Variants in RASGRP1 observed in about 807,000 individuals in gnomAD.
The protein encoded by RASGRP1 is RAS guanyl-releasing protein 1.
In RASGRP1, 37 loss-of-function variants were observed where a neutral mutation model predicts 95.1. The ratio of observed to expected loss-of-function variants is 0.39; its 90% confidence interval spans 0.30 to 0.51. The LOEUF is 0.51. Ranked by LOEUF, RASGRP1 falls within the 20% of genes least tolerant of loss-of-function variation. The pLI is 0.80. For synonymous variants in RASGRP1, 325 were observed against 353.4 expected (o/e 0.92, Z 0.90); for missense variants, 711 against 965.4 (o/e 0.74, Z 3.49).
intron 10 of RASGRP1, chr15:38,503,617 G>A: frequency 3.9e-6 from 2 of 514,782 alleles, no homozygotes; most frequent in Admixed American, 7.3e-5. Flanking sequence ...CAGATAATTT[G>A]AAATTCTCAA....
chr15:38,499,349 C>T (rs952793711), intron 14 of RASGRP1, among the ~76,000 whole-genome samples: 1 of 152,158 alleles, frequency 6.6e-6, no homozygotes, highest in Middle Eastern at 3.2e-3. Context: ...CAGTTATGTC[C>T]TGAGTGATAA....
chr15:38,500,102 C>G lies in RASGRP1; in HGVS notation c.1720+1G>C. ...AATATGTCAACAATATTGAGTCTTA[C>G]CTTTACATCGATATCCTTGTTTGAT... On this transcript the variant is annotated splice_donor_variant, in intron 14 of 16. Coordinates refer to ENST00000310803, the MANE Select transcript of RASGRP1 (RefSeq NM_005739.4). LOFTEE classifies it high-confidence loss of function. The G allele has an allele frequency of 2.5e-6, 4 of 1,612,906 alleles. No individual in the cohort carries two copies. Among genetic ancestry groups the G allele is most frequent in the Non-Finnish European group, 3.4e-6 (4 of 1,179,606 alleles).
Position 38,541,053 on chromosome 15 carries a change from T to A in RASGRP1, c.221-14649A>T, listed in dbSNP as rs537921422. Among the ~76,000 whole-genome samples, 7 of 152,300 alleles carry A rather than the reference T, an allele frequency of 4.6e-5. No individual in the cohort carries two copies. In the South Asian group the frequency reaches 1.5e-3, roughly 32 times the overall value. The stretch of plus-strand genomic sequence containing the variant: ...GAGCAGAGCAGACCATGAGACCATG[T>A]TGAGGGCTGGGCAACCAACCCCACA... On this transcript the variant is annotated intron_variant, in intron 2 of 16. Transcript: ENST00000310803.
At chr15:38,521,841 TTAAC>T (rs574136898) in intron 3 of RASGRP1, among the ~76,000 whole-genome samples, 144 of 152,308 alleles carry the variant, frequency 9.5e-4, no homozygotes, top group African/African-American at 3.4e-3. Flanking sequence ...CTGAGCTTAT[TTAAC>T]TAAAAATTCT....
At chr15:38,499,592 A>C (rs552352723) in intron 14 of RASGRP1, among the ~76,000 whole-genome samples, 22 of 152,338 alleles carry the variant, frequency 1.4e-4, no homozygotes, top group Admixed American at 6.5e-4. Context: ...GGGGTGTCCG[A>C]GGGAAACCAC....
chr15:38,530,262 G>A (rs1377348377), intron 2 of RASGRP1, among the ~76,000 whole-genome samples: 1 of 152,166 alleles, frequency 6.6e-6, no homozygotes, highest in Non-Finnish European at 1.5e-5. Context: ...ACACTGAAGA[G>A]TAACTGGAAA....
chr15:38,509,598 C>T (rs983811279), intron 8 of RASGRP1, among the ~76,000 whole-genome samples: 43 of 152,190 alleles, frequency 2.8e-4, no homozygotes, highest in African/African-American at 9.9e-4. Context: ...TGGTGGCACA[C>T]GCCTGTAGTC....
At chr15:38,503,747 A>T in intron 10 of RASGRP1, 1 of 213,928 alleles carries the variant, frequency 4.7e-6, no homozygotes, top group South Asian at 8.3e-5. Flanking sequence ...TAGAAATGTG[A>T]ATAAGGAAAA....
Position 38,564,655 on chromosome 15 carries a change from G to A in RASGRP1, c.-27C>T. 1 of 1,292,996 alleles carries A rather than the reference G, an allele frequency of 7.7e-7. No homozygotes were observed. Among genetic ancestry groups the A allele is most frequent in the Middle Eastern group, 2.5e-4 (1 of 3,978 alleles). 80.1% of individuals were successfully genotyped at this position (1,292,996 alleles called of 1,614,324 possible). A position where few individuals can be genotyped will look rare whatever the true frequency, so the allele number is the denominator to read the frequency against. On this transcript the variant is annotated 5_prime_UTR_variant, in exon 1 of 17. Coordinates refer to ENST00000310803, the MANE Select transcript of RASGRP1 (RefSeq NM_005739.4). ...GCCGCGGCCCGCGCTCCCGGTGCCG[G>A]CTCACCTAGCGCGGCCGGGCGCGGC... is the stretch of plus-strand genomic sequence containing the variant.
rs1219259071 is a variant in RASGRP1 at position 38,564,703 on chromosome 15, C to T, written c.-75G>A. The stretch of plus-strand genomic sequence containing the variant: ...GGCGCATCGCCCCCGCCACCACCGC[C>T]GCCGCCTGCCGGCTCTCTCCCCCCC... On this transcript the variant is annotated 5_prime_UTR_variant, in exon 1 of 17. Coordinates refer to ENST00000310803, the MANE Select transcript of RASGRP1 (RefSeq NM_005739.4). 8.7e-7 allele frequency: 1 copy of T among 1,152,972 alleles called. No homozygotes were observed. The highest frequency in any genetic ancestry group is 4.2e-5 in the South Asian group (1 of 23,564). 71.4% of individuals were successfully genotyped at this position (1,152,972 alleles called of 1,614,324 possible). A position where few individuals can be genotyped will look rare whatever the true frequency, so the allele number is the denominator to read the frequency against.
intron 2 of RASGRP1, among the ~76,000 whole-genome samples, chr15:38,551,465 T>C (rs1893334591): frequency 6.6e-6 from 1 of 152,214 alleles, no homozygotes; most frequent in Admixed American, 6.5e-5. Flanking sequence ...GCTTCTTTTT[T>C]GCCAGCAATA....
intron 2 of RASGRP1, among the ~76,000 whole-genome samples, chr15:38,530,213 T>C (rs746918562): frequency 1.6e-4 from 24 of 152,126 alleles, no homozygotes; most frequent in Non-Finnish European, 2.9e-4. Flanking sequence ...CTTGGGCCAG[T>C]AGGCTAGTGG....
chr15:38,501,416 C>A, intron 12 of RASGRP1, 129 bp from the exon 13 acceptor site: 1 of 1,074,242 alleles, frequency 9.3e-7, no homozygotes. Context: ...TGTGCTACCT[C>A]ATGATTACTT....
intron 2 of RASGRP1, among the ~76,000 whole-genome samples, chr15:38,546,966 GTTATTCACA>G (rs1224829393): frequency 3.5e-4 from 53 of 152,302 alleles, no homozygotes; most frequent in Non-Finnish European, 1.5e-5. Flanking sequence ...TTTGTGCTAT[GTTATTCACA>G]TCCTGAATTC....
intron 2 of RASGRP1, 25 bp from the exon 3 acceptor site, chr15:38,526,429 G>A: frequency 6.3e-7 from 1 of 1,590,864 alleles, no homozygotes; most frequent in South Asian, 1.1e-5. Flanking sequence ...AGCAGCACCT[G>A]AGTTAGGCCC....
intron 15 of RASGRP1, among the ~76,000 whole-genome samples, chr15:38,495,761 C>T (rs1890771127): frequency 6.6e-6 from 1 of 152,054 alleles, no homozygotes; most frequent in African/African-American, 2.4e-5. Context: ...TTGTTATGGT[C>T]ACCCTAAAAT....
intron 10 of RASGRP1, 100 bp from the exon 11 acceptor site, chr15:38,503,476 A>G: frequency 3.3e-6 from 3 of 910,292 alleles, no homozygotes; most frequent in South Asian, 1.5e-5. Flanking sequence ...TTTATGGACA[A>G]TCTTCAATTA....
At chr15:38,552,247 G>T (rs1375441803) in intron 2 of RASGRP1, among the ~76,000 whole-genome samples, 1 of 152,172 alleles carries the variant, frequency 6.6e-6, no homozygotes, top group Non-Finnish European at 1.5e-5. Context: ...AGAACACACA[G>T]AGAGGTTGTT....
At chr15:38,503,435 CTCTT>C (rs1891118997) in intron 10 of RASGRP1, 59 bp from the exon 11 acceptor site, 1 of 1,286,246 alleles carries the variant, frequency 7.8e-7, no homozygotes, top group Non-Finnish European at 1.1e-6. Flanking sequence ...TAACCTATAG[CTCTT>C]TCTTTTCCCA....
Sources: allele counts gnomAD v4.1 joint callset (sites outside exome capture counted in the v4.1 genomes callset), GRCh38; gene constraint gnomAD v4.1.1; transcripts MANE v1.5; gene names NCBI Gene and HGNC (gene_info 2026-07-23, HGNC 2026-07-21).